REEP3: variants seen among roughly 807,000 people sequenced by gnomAD.
The protein encoded by REEP3 is receptor expression-enhancing protein 3.
A neutral mutation model predicts 41.3 loss-of-function variants in REEP3; 20 were observed. The ratio of observed to expected loss-of-function variants is 0.48; its 90% CI spans 0.34 to 0.70. The LOEUF (loss-of-function observed/expected upper bound fraction) is 0.70. REEP3 is among the 30% of genes least tolerant of loss of function. The probability of loss-of-function intolerance (pLI) is 0.01; values close to 1 mark genes in which losing one functional copy is unlikely to be tolerated. For synonymous variants in REEP3, 104 were observed against 101.8 expected (o/e 1.02, Z -0.13); for missense variants, 271 against 308.8 (o/e 0.88, Z 0.92).
intron 1 of REEP3, among the ~76,000 whole-genome samples, chr10:63,565,689 T>C (rs1404287750): frequency 1.3e-5 from 2 of 152,200 alleles, no homozygotes; most frequent in Non-Finnish European, 2.9e-5. Flanking sequence ...TGCAATAAGA[T>C]ATTGCCTGTG....
At chr10:63,545,678 C>CTGTTT (rs1955571058) in intron 1 of REEP3, among the ~76,000 whole-genome samples, 1 of 84,594 alleles carries the variant, frequency 1.2e-5, no homozygotes, top group East Asian at 4.1e-4. Context: ...TGGCCAACTT[C>CTGTTT]TGTTTTTTTT....
At chr10:63,617,474 A>C (rs1956320317) in intron 6 of REEP3, among the ~76,000 whole-genome samples, 1 of 152,188 alleles carries the variant, frequency 6.6e-6, no homozygotes, top group African/African-American at 2.4e-5. Flanking sequence ...ATCACAGCTC[A>C]CTGCAGCCTT....
intron 5 of REEP3, among the ~76,000 whole-genome samples, chr10:63,609,696 G>A (rs982217494): frequency 1.3e-5 from 2 of 152,136 alleles, no homozygotes; most frequent in African/African-American, 4.8e-5. Context: ...GGGAGGTAGA[G>A]GTTGCAGTAG....
chr10:63,542,381 C>T (rs990686654), intron 1 of REEP3, among the ~76,000 whole-genome samples: 23 of 152,262 alleles, frequency 1.5e-4, no homozygotes, highest in African/African-American at 4.8e-4. Context: ...CACCCAACAT[C>T]ACTAATTCTA....
At chr10:63,557,586 G>A (rs1282355001) in intron 1 of REEP3, among the ~76,000 whole-genome samples, 1 of 152,088 alleles carries the variant, frequency 6.6e-6, no homozygotes, top group Non-Finnish European at 1.5e-5. Flanking sequence ...TGATTTTGAC[G>A]TGTTGCAGGG....
At chr10:63,556,261 G>A (rs1049420886) in intron 1 of REEP3, among the ~76,000 whole-genome samples, 3 of 151,924 alleles carry the variant, frequency 2.0e-5, no homozygotes, top group African/African-American at 4.8e-5. Flanking sequence ...GATTACAGGC[G>A]CGGGCCACCA....
rs1239636196 is a variant in REEP3, at chr10:63,624,275, G to A, written c.*3406G>A. ...ATATTTCTTAGTAAATATCACTTAA[G>A]ATTAAATTTTTCAGAAAGAAAATTA... On this transcript the variant is annotated 3_prime_UTR_variant, in exon 8 of 8. Transcript: ENST00000373758. 2.0e-5 allele frequency: 3 copies of A among 151,950 alleles called. No individual in the cohort carries two copies. Among genetic ancestry groups the A allele is most frequent in the Non-Finnish European group, 4.4e-5 (3 of 67,930 alleles). 9.4% of individuals were successfully genotyped at this position (151,950 alleles called of 1,614,324 possible).
At chr10:63,596,859 C>A (rs1956119849) in intron 3 of REEP3, among the ~76,000 whole-genome samples, 2 of 152,088 alleles carry the variant, frequency 1.3e-5, no homozygotes, top group South Asian at 2.1e-4. Context: ...CTCACCGCAC[C>A]CTTGAACTCC....
At chr10:63,524,106 A>G (rs984230309) in intron 1 of REEP3, among the ~76,000 whole-genome samples, 3 of 152,218 alleles carry the variant, frequency 2.0e-5, no homozygotes, top group African/African-American at 7.2e-5. Context: ...AGCCGTGAAC[A>G]CATTAGCACA....
At chr10:63,591,292 A>G (rs180957743) in intron 2 of REEP3, among the ~76,000 whole-genome samples, 2 of 152,248 alleles carry the variant, frequency 1.3e-5, no homozygotes, top group Non-Finnish European at 1.5e-5. Context: ...AGAAAGCAAT[A>G]TATTTTCAAG....
chr10:63,617,940 T>G (rs1357776084), intron 6 of REEP3, among the ~76,000 whole-genome samples: 2 of 146,014 alleles, frequency 1.4e-5, no homozygotes, highest in Non-Finnish European at 3.0e-5. Flanking sequence ...TTCTCCTGCC[T>G]CAGCCTCCCA....
chr10:63,568,144 T>C (rs1297382108), intron 2 of REEP3, among the ~76,000 whole-genome samples: 1 of 152,188 alleles, frequency 6.6e-6, no homozygotes, highest in Non-Finnish European at 1.5e-5. Flanking sequence ...CTTTGCGTAT[T>C]GTTTTATAGT....
chr10:63,597,306 C>T (rs1281734300), intron 3 of REEP3, among the ~76,000 whole-genome samples: 1 of 152,166 alleles, frequency 6.6e-6, no homozygotes, highest in Non-Finnish European at 1.5e-5. Flanking sequence ...ATGGGGTAGA[C>T]ATTGTGCACT....
rs551567226 is a variant in REEP3, at chr10:63,616,998, AT to A, written c.566-2647del. ...TTCCTTTGTTTGTTTCTATATGTACATTTTTTTTTTCCACACTTAATATTGC... is the reference window on the plus strand; with the variant it reads ...TTCCTTTGTTTGTTTCTATATGTACATTTTTTTTTCCACACTTAATATTGC... On this transcript the variant is annotated intron_variant, in intron 6 of 7. Coordinates refer to ENST00000373758, the MANE Select transcript of REEP3 (RefSeq NM_001001330.3). Among the ~76,000 whole-genome samples, 151 of 150,360 alleles carry A rather than the reference AT, an allele frequency of 1.0e-3. No individual in the cohort carries two copies. The Middle Eastern group carries it at 0.014, about 14-fold the overall frequency.
At chr10:63,556,783 C>A (rs1400956913) in intron 1 of REEP3, among the ~76,000 whole-genome samples, 1 of 149,368 alleles carries the variant, frequency 6.7e-6, no homozygotes, top group African/African-American at 2.5e-5. Flanking sequence ...CTACAGGCGC[C>A]CGCCACTACG....
rs1304460329 is a variant in REEP3, at chr10:63,610,316, G to A, written c.547G>A (p.Ala183Thr). The A allele has an allele frequency of 6.4e-7, 1 of 1,555,964 alleles. No individual in the cohort carries two copies. The highest frequency in any genetic ancestry group is 1.2e-5 in the South Asian group (1 of 84,478). The change falls in exon 6 of 8, where the codon GCC becomes ACC. Residue 183 changes from alanine to threonine, a missense_variant. Ala to Thr is a moderately conservative substitution (Grantham distance 58). Transcript: ENST00000373758. ...LPEAKKKSKP[A>T]PSESAGYGIP... The stretch of plus-strand genomic sequence containing the variant: ...AGAAGCAAAAAAGAAAAGTAAACCA[G>A]CCCCCAGTGAATCAGCAGGTGTGCT...
At chr10:63,523,585 G>C (rs181499844) in intron 1 of REEP3, among the ~76,000 whole-genome samples, 15 of 152,154 alleles carry the variant, frequency 9.9e-5, no homozygotes, top group African/African-American at 3.4e-4. Context: ...GCAGTGAGCC[G>C]TGATCGTGCC....
At chr10:63,521,615 G>A (rs1213496792) in intron 1 of REEP3, 38 bp downstream of exon 1, 3 of 1,370,746 alleles carry the variant, frequency 2.2e-6, no homozygotes, top group African/African-American at 3.0e-5. Context: ...CCGGCGCGAG[G>A]CCCAGGGGAG....
intron 2 of REEP3, among the ~76,000 whole-genome samples, chr10:63,583,271 G>A (rs548972742): frequency 2.6e-5 from 4 of 152,278 alleles, no homozygotes; most frequent in Admixed American, 1.3e-4. Context: ...GACTACAGGC[G>A]TCAGCCACGG....
Sources: gnomAD v4.1 joint callset for allele counts (sites outside exome capture counted in the v4.1 genomes callset) on GRCh38, gnomAD v4.1.1 for gene constraint, MANE v1.5 for transcripts, NCBI Gene and HGNC (gene_info 2026-07-23, HGNC 2026-07-21) for gene names.